Variants in PRKCB observed in about 807,000 individuals in gnomAD.
PRKCB encodes the protein protein kinase C beta, also known as protein kinase C beta type.
In PRKCB, 13 loss-of-function variants were observed where a neutral mutation model predicts 81.5. The ratio of observed to expected loss-of-function variants is 0.16; its 90% CI spans 0.10 to 0.25. The LOEUF is 0.25. PRKCB is among the 10% of genes least tolerant of loss of function. The pLI, the probability that PRKCB is intolerant of heterozygous loss-of-function variation, is 1.00. For missense variants in PRKCB, 509 were observed against 875.7 expected (o/e 0.58, Z 5.29); for synonymous variants, 335 against 321.4 (o/e 1.04, Z -0.45).
At chr16:24,166,495 C>A (rs1372826501) in intron 10 of PRKCB, among the ~76,000 whole-genome samples, 1 of 152,042 alleles carries the variant, frequency 6.6e-6, no homozygotes, top group African/African-American at 2.4e-5. Flanking sequence ...TAATAGCCAT[C>A]AAATCAGGAA....
intron 5 of PRKCB, among the ~76,000 whole-genome samples, chr16:24,072,801 C>T (rs1459547941): frequency 6.6e-6 from 1 of 152,070 alleles, no homozygotes; most frequent in Non-Finnish European, 1.5e-5. Flanking sequence ...AGGCTGATAT[C>T]GACCTCCTGA....
chr16:23,865,238 GA>G (rs1962749975), intron 2 of PRKCB, among the ~76,000 whole-genome samples: 1 of 150,282 alleles, frequency 6.7e-6, no homozygotes, highest in Non-Finnish European at 1.5e-5. Context: ...GGAAGAAATA[GA>G]AATCAAGATT....
At chr16:24,042,121 T>C (rs1409419715) in intron 5 of PRKCB, among the ~76,000 whole-genome samples, 2 of 152,150 alleles carry the variant, frequency 1.3e-5, no homozygotes, top group African/African-American at 4.8e-5. Context: ...GTTTGTTATA[T>C]AGGTAAACTT....
chr16:24,012,821 C>T (rs1026389300), intron 3 of PRKCB, among the ~76,000 whole-genome samples: 4 of 152,224 alleles, frequency 2.6e-5, no homozygotes, highest in East Asian at 3.8e-4. Flanking sequence ...GTCAGGGTCC[C>T]TCCAGCCTTT....
chr16:24,189,985 A>G (rs1054352327), intron 15 of PRKCB, among the ~76,000 whole-genome samples: 1 of 152,164 alleles, frequency 6.6e-6, no homozygotes, highest in Non-Finnish European at 1.5e-5. Flanking sequence ...CATTTGCTCA[A>G]GTCTTGAGAT....
At chr16:23,847,665 C>T (rs1453163802) in intron 2 of PRKCB, among the ~76,000 whole-genome samples, 2 of 152,274 alleles carry the variant, frequency 1.3e-5, no homozygotes, top group East Asian at 3.9e-4. Flanking sequence ...GGCATTGGAA[C>T]TAGAACAGTG....
At chr16:23,956,459 A>G (rs1964350771) in intron 2 of PRKCB, among the ~76,000 whole-genome samples, 2 of 152,208 alleles carry the variant, frequency 1.3e-5, no homozygotes, top group Admixed American at 6.5e-5. Flanking sequence ...TGTCTAAAAC[A>G]TTAGCAATAG....
At chr16:24,014,398 A>T (rs993223767) in intron 3 of PRKCB, among the ~76,000 whole-genome samples, 2 of 152,048 alleles carry the variant, frequency 1.3e-5, no homozygotes, top group African/African-American at 4.8e-5. Flanking sequence ...CAATGAATGC[A>T]CAACCCGGCC....
intron 3 of PRKCB, among the ~76,000 whole-genome samples, chr16:23,992,526 G>A (rs180934607): frequency 1.3e-5 from 2 of 152,262 alleles, no homozygotes; most frequent in Admixed American, 1.3e-4. Flanking sequence ...AAACACTTTT[G>A]GAAAACTAAG....
intron 2 of PRKCB, among the ~76,000 whole-genome samples, chr16:23,890,425 G>C (rs1385465339): frequency 1.3e-5 from 2 of 152,120 alleles, no homozygotes; most frequent in Non-Finnish European, 2.9e-5. Context: ...GGATGCCTTT[G>C]TTAGCCTAGC....
chr16:23,903,259 GT>G (rs1406078241), intron 2 of PRKCB, among the ~76,000 whole-genome samples: 1 of 1,792 alleles, frequency 5.6e-4, no homozygotes, highest in Admixed American at 8.3e-3. Context: ...GGGAACTTAA[GT>G]GTGTGTGTGT....
intron 16 of PRKCB, among the ~76,000 whole-genome samples, chr16:24,194,652 A>G (rs1967852261): frequency 6.6e-6 from 1 of 151,558 alleles, no homozygotes. Context: ...GAAAGCACTC[A>G]GGAAAAGGTA....
chr16:23,880,916 T>G (rs1010516836), intron 2 of PRKCB, among the ~76,000 whole-genome samples: 3 of 151,264 alleles, frequency 2.0e-5, no homozygotes, highest in Non-Finnish European at 4.4e-5. Context: ...TTTACGATCT[T>G]TTTTTTTGTA....
chr16:24,172,214 T>G, intron 10 of PRKCB, 56 bp from the exon 11 acceptor site: 3 of 1,335,876 alleles, frequency 2.2e-6, no homozygotes, highest in Non-Finnish European at 3.2e-6. Context: ...CCACTGTCCA[T>G]TTGGAGCCCC....
At chr16:24,009,196 C>A (rs973538785) in intron 3 of PRKCB, among the ~76,000 whole-genome samples, 1 of 152,150 alleles carries the variant, frequency 6.6e-6, no homozygotes, top group Non-Finnish European at 1.5e-5. Context: ...AATTTCAATT[C>A]TTTTGGGTAA....
chr16:24,199,177 A>G (rs976881349), intron 16 of PRKCB, among the ~76,000 whole-genome samples: 9 of 152,202 alleles, frequency 5.9e-5, no homozygotes, highest in Non-Finnish European at 1.2e-4. Flanking sequence ...ATCTGATCAC[A>G]TCCCATTGCC....
intron 2 of PRKCB, among the ~76,000 whole-genome samples, chr16:23,890,553 G>C (rs59005885): frequency 6.6e-6 from 1 of 152,120 alleles, no homozygotes; most frequent in Non-Finnish European, 1.5e-5. Context: ...ACTTCCAACC[G>C]GGCTTTTCAT....
intron 9 of PRKCB, among the ~76,000 whole-genome samples, chr16:24,143,630 G>A (rs1966940555): frequency 6.6e-6 from 1 of 152,144 alleles, no homozygotes; most frequent in African/African-American, 2.4e-5. Context: ...GCTGTAACTT[G>A]CTTGTCTGTC....
intron 2 of PRKCB, among the ~76,000 whole-genome samples, chr16:23,946,892 G>A (rs889800969): frequency 1.3e-4 from 19 of 148,882 alleles, no homozygotes; most frequent in South Asian, 8.5e-4. Flanking sequence ...GTCTTGTGCC[G>A]TCATCCAGGC....
Sources: allele counts gnomAD v4.1 joint callset (sites outside exome capture counted in the v4.1 genomes callset), GRCh38; gene constraint gnomAD v4.1.1; transcripts MANE v1.5; gene names NCBI Gene and HGNC (gene_info 2026-07-23, HGNC 2026-07-21).